Variants in FCF1 observed in about 807,000 individuals in gnomAD.
The protein encoded by FCF1 is FCF1 rRNA-processing protein.
FCF1 carries 17 observed loss-of-function variants against 32.5 expected under a neutral mutation model. The observed-to-expected ratio is 0.52, with a 90% confidence interval of 0.36 to 0.78. The LOEUF is 0.78. Among genes scored for constraint, FCF1 ranks in the 30% least tolerant of loss-of-function variants. FCF1 has a pLI of 0.00. For missense variants in FCF1, 201 were observed against 241.1 expected, an observed-to-expected ratio of 0.83 and a Z score of 1.10; for synonymous variants, 84 against 78.4, an observed-to-expected ratio of 1.07 and a Z score of -0.38.
chr14:74,720,224 TC>T (rs1472418017), intron 4 of FCF1, among the ~76,000 whole-genome samples: 1 of 152,216 alleles, frequency 6.6e-6, no homozygotes, highest in Non-Finnish European at 1.5e-5. Context: ...ATACAATTCA[TC>T]CCTTTAAAGT....
At chr14:74,713,364 T>C in intron 1 of FCF1, 121 bp from the exon 2 acceptor site, 2 of 1,550,712 alleles carry the variant, frequency 1.3e-6, no homozygotes, top group South Asian at 1.1e-5. Context: ...CTTTACAGAG[T>C]GGGGAAGAGG....
chr14:74,726,618 T>A (rs893059486), intron 5 of FCF1, among the ~76,000 whole-genome samples: 3 of 147,400 alleles, frequency 2.0e-5, no homozygotes, highest in African/African-American at 7.5e-5. Flanking sequence ...TTTTTTTTTT[T>A]ATTATACTTT....
Position 74,713,564 on chromosome 14 carries a change from G to C in FCF1, c.71+12G>C. 6.2e-7 allele frequency: 1 copy of C among 1,604,316 alleles called. No homozygotes were observed. Among genetic ancestry groups the C allele is most frequent in the Non-Finnish European group, 8.5e-7 (1 of 1,172,896 alleles). ...AGAGATCAGAGGCTGTGAGTGTCTGGAATCAACTGCCCAGGGATATTCTAA... is the reference window on the plus strand; with the variant it reads ...AGAGATCAGAGGCTGTGAGTGTCTGCAATCAACTGCCCAGGGATATTCTAA... On this transcript the variant is annotated intron_variant, in intron 2 of 7. Coordinates refer to ENST00000341162, the MANE Select transcript of FCF1 (RefSeq NM_015962.5).
chr14:74,735,023 CAGAG>C lies in FCF1; in HGVS notation c.*97_*100del, dbSNP rs529488033. 294 of 1,034,226 alleles carry C rather than the reference CAGAG, an allele frequency of 2.8e-4. No individual in the cohort carries two copies. Among genetic ancestry groups the C allele is most frequent in the Admixed American group, 6.2e-4 (36 of 57,658 alleles). The allele number at this position is 1,034,226 out of a possible 1,614,324, so 64.1% of individuals were successfully genotyped here. A position where few individuals can be genotyped will look rare whatever the true frequency, so the allele number is the denominator to read the frequency against. On this transcript the variant is annotated 3_prime_UTR_variant, in exon 8 of 8. Coordinates refer to ENST00000341162, the MANE Select transcript of FCF1 (RefSeq NM_015962.5). The stretch of plus-strand genomic sequence containing the variant: ...AAATGTAGCGGGATTTTTAAGGAAT[CAGAG>C]AGACTGATGGAGTTCAGGGAGATAT...
chr14:74,734,645 C>A (rs116335651), intron 7 of FCF1, among the ~76,000 whole-genome samples: 246 of 152,304 alleles, frequency 1.6e-3, no homozygotes, highest in African/African-American at 5.7e-3. Flanking sequence ...GTTGGACTTA[C>A]TGATCTCAGC....
At chr14:74,713,346 C>T (rs1434223481) in intron 1 of FCF1, 139 bp from the exon 2 acceptor site, 3 of 1,575,216 alleles carry the variant, frequency 1.9e-6, no homozygotes, top group Non-Finnish European at 2.6e-6. Flanking sequence ...CAAGCGGTGA[C>T]TGTTATGCTT....
chr14:74,727,059 A>G (rs577817483), intron 5 of FCF1, among the ~76,000 whole-genome samples: 6 of 152,146 alleles, frequency 3.9e-5, no homozygotes, highest in African/African-American at 9.7e-5. Context: ...TAATGCCACA[A>G]TAAACATACA....
At chr14:74,729,205 GA>G (rs2090605649) in intron 5 of FCF1, among the ~76,000 whole-genome samples, 3 of 152,162 alleles carry the variant, frequency 2.0e-5, no homozygotes, top group Non-Finnish European at 4.4e-5. Context: ...ACCTGTGGTA[GA>G]ATTCGGCTGT....
chr14:74,714,725 AG>A lies in FCF1; in HGVS notation c.72-146del, dbSNP rs2090391128. 2.8e-6 allele frequency: 3 copies of A among 1,087,946 alleles called. No homozygotes were observed. In the Admixed American group the frequency reaches 9.4e-5, roughly 34 times the overall value. The allele number at this position is 1,087,946 out of a possible 1,614,324, so 67.4% of individuals were successfully genotyped here. A position where few individuals can be genotyped will look rare whatever the true frequency, so the allele number is the denominator to read the frequency against. ...GCACTAGAGTTATTTGCTCAGAAAG[AG>A]TATGCTGATATTAACATGAGGATAT... On this transcript the variant is annotated intron_variant, in intron 2 of 7. Coordinates refer to ENST00000341162, the MANE Select transcript of FCF1 (RefSeq NM_015962.5).
intron 5 of FCF1, among the ~76,000 whole-genome samples, chr14:74,729,592 C>G (rs1594790540): frequency 6.6e-6 from 1 of 152,042 alleles, no homozygotes; most frequent in Non-Finnish European, 1.5e-5. Context: ...TTTTTTGTGT[C>G]TCTATTTCCT....
intron 2 of FCF1, 26 bp from the exon 3 acceptor site, chr14:74,714,846 G>C (rs2090394309): frequency 6.5e-7 from 1 of 1,537,828 alleles, no homozygotes; most frequent in African/African-American, 1.4e-5. Flanking sequence ...TTCTCCCTTG[G>C]ATTTAATTTA....
chr14:74,714,737 T>A (rs893970465), intron 2 of FCF1, 135 bp from the exon 3 acceptor site: 1 of 1,208,092 alleles, frequency 8.3e-7, no homozygotes, highest in Non-Finnish European at 1.1e-6. Context: ...TATGCTGATA[T>A]TAACATGAGG....
intron 4 of FCF1, among the ~76,000 whole-genome samples, chr14:74,721,262 G>A (rs2090498914): frequency 6.6e-6 from 1 of 151,760 alleles, no homozygotes; most frequent in Non-Finnish European, 1.5e-5. Flanking sequence ...GACCAGACTG[G>A]TCTTGAACTC....
At chr14:74,730,419 T>A (rs193020861) in intron 5 of FCF1, among the ~76,000 whole-genome samples, 2,365 of 151,884 alleles carry the variant, frequency 0.016, 23 homozygotes, top group Middle Eastern at 0.048. Flanking sequence ...TAAAAAAAAA[T>A]TTTTTTGGTA....
Position 74,732,195 on chromosome 14 carries a change from A to G in FCF1, c.366-536A>G, listed in dbSNP as rs547635476. Among the ~76,000 whole-genome samples, 13 of 152,124 alleles carry G rather than the reference A, an allele frequency of 8.5e-5. No individual in the cohort carries two copies. The East Asian group carries it at 2.5e-3, about 29-fold the overall frequency. ...GCATATGCCCTGCTTTGTTTATTCA[A>G]CAGTTTAGTGTAGGTCCTTCCACAT... is the stretch of plus-strand genomic sequence containing the variant. On this transcript the variant is annotated intron_variant, in intron 5 of 7. Transcript: ENST00000341162.
At chr14:74,723,147 AGT>A (rs2090528987) in intron 4 of FCF1, 123 bp from the exon 5 acceptor site, 9 of 675,318 alleles carry the variant, frequency 1.3e-5, no homozygotes, top group Non-Finnish European at 2.4e-5. Context: ...TGTATATTTC[AGT>A]GTGCTAATTC....
intron 4 of FCF1, 139 bp downstream of exon 4, chr14:74,716,238 C>A: frequency 2.8e-6 from 2 of 723,262 alleles, no homozygotes; most frequent in Non-Finnish European, 4.5e-6. Flanking sequence ...ATAGCAGTGA[C>A]CATGTTTAAT....
At chr14:74,721,499 G>A (rs766626825) in intron 4 of FCF1, among the ~76,000 whole-genome samples, 1 of 152,076 alleles carries the variant, frequency 6.6e-6, no homozygotes, top group Non-Finnish European at 1.5e-5. Flanking sequence ...TCAGGAGTTC[G>A]AAACCAGCCT....
chr14:74,727,532 G>A (rs1364764981), intron 5 of FCF1, among the ~76,000 whole-genome samples: 17 of 151,512 alleles, frequency 1.1e-4, no homozygotes, highest in South Asian at 4.2e-4. Flanking sequence ...AGTAGGTTGC[G>A]AAAATTTTCT....
Sources: gnomAD v4.1 joint callset for allele counts (sites outside exome capture counted in the v4.1 genomes callset) on GRCh38, gnomAD v4.1.1 for gene constraint, MANE v1.5 for transcripts, NCBI Gene and HGNC (gene_info 2026-07-23, HGNC 2026-07-21) for gene names.